The following WIPF1 variants were observed in gnomAD, a reference collection of about 807,000 sequenced individuals.
WIPF1 encodes WAS/WASL interacting protein family member 1.
In WIPF1, 13 loss-of-function variants were observed where a neutral mutation model predicts 35.4. The ratio of observed to expected loss-of-function variants is 0.37; its 90% CI spans 0.24 to 0.58. WIPF1 has a LOEUF of 0.58. Among genes scored for constraint, WIPF1 ranks in the 20% least tolerant of loss-of-function variants. WIPF1 has a pLI of 0.74. For synonymous variants in WIPF1, 267 were observed against 266.3 expected (o/e 1.00, Z -0.02); for missense variants, 591 against 667.0 (o/e 0.89, Z 1.25).
intron 1 of WIPF1, among the ~76,000 whole-genome samples, chr2:174,636,636 C>G (rs911881077): frequency 6.6e-6 from 1 of 152,130 alleles, no homozygotes; most frequent in South Asian, 2.1e-4. Flanking sequence ...ATTTAGTCGT[C>G]GTGTTTCTTA....
chr2:174,634,702 C>A (rs1205453584), intron 1 of WIPF1: 1 of 152,214 alleles, frequency 6.6e-6, no homozygotes, highest in Admixed American at 6.5e-5. Flanking sequence ...ATGGGGGTAA[C>A]CCTGTGTCTG....
intron 1 of WIPF1, among the ~76,000 whole-genome samples, chr2:174,595,733 C>T (rs1037450962): frequency 6.6e-6 from 1 of 152,152 alleles, no homozygotes; most frequent in South Asian, 2.1e-4. Flanking sequence ...AAGTGCATTT[C>T]AAATTTCTCA....
intron 1 of WIPF1, among the ~76,000 whole-genome samples, chr2:174,619,452 GCTAT>G (rs1456132942): frequency 2.0e-5 from 3 of 152,184 alleles, no homozygotes; most frequent in Non-Finnish European, 2.9e-5. Context: ...TAGTCATCTA[GCTAT>G]CTCTTACTTT....
chr2:174,565,867 C>T (rs1305312314), intron 7 of WIPF1, among the ~76,000 whole-genome samples: 13 of 151,586 alleles, frequency 8.6e-5, no homozygotes, highest in Non-Finnish European at 1.2e-4. Context: ...ATTCTTTCTT[C>T]GTTGTATACA....
At chr2:174,630,682 T>C (rs183631597) in intron 1 of WIPF1, 1 of 152,280 alleles carries the variant, frequency 6.6e-6, no homozygotes, top group Non-Finnish European at 1.5e-5. Context: ...ATCAGGCACA[T>C]AGGCAATCCC....
At chr2:174,602,405 G>A (rs1213677887), upstream of WIPF1, among the ~76,000 whole-genome samples, 1 of 152,198 alleles carries the variant, frequency 6.6e-6, no homozygotes, top group African/African-American at 2.4e-5. Flanking sequence ...TTCAAGTTGT[G>A]TTTCCATGAC....
At chr2:174,615,659 C>T (rs980226640) in intron 1 of WIPF1, among the ~76,000 whole-genome samples, 5 of 152,144 alleles carry the variant, frequency 3.3e-5, no homozygotes, top group African/African-American at 1.2e-4. Context: ...AACAGCTTCA[C>T]TTAAACTTGC....
intron 1 of WIPF1, among the ~76,000 whole-genome samples, chr2:174,657,850 C>T (rs188027467): frequency 2.1e-3 from 287 of 139,492 alleles, no homozygotes; most frequent in African/African-American, 7.0e-3. Flanking sequence ...GTAGAGGTTG[C>T]GGTGAGCCAA....
At chr2:174,619,258 T>C (rs931722424) in intron 1 of WIPF1, among the ~76,000 whole-genome samples, 2 of 152,228 alleles carry the variant, frequency 1.3e-5, no homozygotes, top group African/African-American at 4.8e-5. Context: ...TTCATGCCAC[T>C]AAATATTCTT....
At chr2:174,616,355 TTTCACACCTTCCTC>T (rs1054593312) in intron 1 of WIPF1, among the ~76,000 whole-genome samples, 2 of 152,050 alleles carry the variant, frequency 1.3e-5, no homozygotes, top group African/African-American at 4.8e-5. Flanking sequence ...TATAAGAGGA[TTTCACACCTTCCTC>T]TTCACGAGAC....
intron 1 of WIPF1, among the ~76,000 whole-genome samples, chr2:174,616,129 T>A (rs1378459209): frequency 6.6e-6 from 1 of 152,056 alleles, no homozygotes; most frequent in African/African-American, 2.4e-5. Context: ...TCAAAAAGCA[T>A]CTGTATATGG....
At chr2:174,595,109 A>AAAATATATAT (rs1553529785) in intron 1 of WIPF1, among the ~76,000 whole-genome samples, 1 of 57,750 alleles carries the variant, frequency 1.7e-5, no homozygotes, top group African/African-American at 9.0e-5. Context: ...AAAAAAAAAA[A>AAAATATATAT]ATATATATAT....
chr2:174,661,372 G>A (rs1162395516), intron 1 of WIPF1, among the ~76,000 whole-genome samples: 2 of 151,990 alleles, frequency 1.3e-5, no homozygotes, highest in East Asian at 3.9e-4. Flanking sequence ...TACACCTCTG[G>A]CATGGCCCCC....
chr2:174,564,502 A>C (rs911189102), intron 7 of WIPF1, among the ~76,000 whole-genome samples: 1 of 152,110 alleles, frequency 6.6e-6, no homozygotes, highest in Non-Finnish European at 1.5e-5. Context: ...TTTATGTTTC[A>C]GGCTCTGTGC....
At chr2:174,650,796 G>T (rs888609819) in intron 1 of WIPF1, among the ~76,000 whole-genome samples, 3 of 152,212 alleles carry the variant, frequency 2.0e-5, no homozygotes, top group African/African-American at 4.8e-5. Context: ...CTTTCAGAAG[G>T]CTGGGCAGTG....
intron 1 of WIPF1, among the ~76,000 whole-genome samples, chr2:174,607,198 T>G (rs1192360746): frequency 6.6e-6 from 1 of 152,044 alleles, no homozygotes; most frequent in Non-Finnish European, 1.5e-5. Context: ...GGGCAGGAGA[T>G]CGAGACCATC....
rs1481562669 is a variant in WIPF1, at chr2:174,662,370, G to A, written c.-39+20404C>T. On this transcript the variant is annotated intron_variant, in intron 1 of 8. Transcript: ENST00000272746. ...AGGGTCAACTGTTCCCCATACATCG[G>A]TGAGGCCTGAATTCGTAACTCTTTC... Among the ~76,000 whole-genome samples the A allele has an allele frequency of 3.3e-5, 5 of 152,146 alleles. No homozygotes were observed. In the East Asian group the frequency reaches 9.6e-4, roughly 29 times the overall value.
intron 1 of WIPF1, among the ~76,000 whole-genome samples, chr2:174,639,449 T>G (rs935317411): frequency 3.3e-5 from 5 of 152,202 alleles, no homozygotes; most frequent in Non-Finnish European, 7.3e-5. Context: ...AGACGGAGTC[T>G]CACTTTGTCA....
chr2:174,628,415 T>G (rs927078413), intron 1 of WIPF1, among the ~76,000 whole-genome samples: 4 of 152,206 alleles, frequency 2.6e-5, no homozygotes, highest in African/African-American at 9.6e-5. Flanking sequence ...GGACCTATTT[T>G]CCAGGCCAAT....
Sources: gnomAD v4.1 joint callset for allele counts (sites outside exome capture counted in the v4.1 genomes callset) on GRCh38, gnomAD v4.1.1 for gene constraint, MANE v1.5 for transcripts, NCBI Gene and HGNC (gene_info 2026-07-23, HGNC 2026-07-21) for gene names.